The following ACP4 variants were observed in gnomAD, a reference collection of about 807,000 sequenced individuals.
ACP4 encodes testicular acid phosphatase.
ACP4 carries 49 observed loss-of-function variants against 47.3 expected under a neutral mutation model. That is an observed-to-expected ratio of 1.04 (90% CI 0.82 to 1.32). The LOEUF (loss-of-function observed/expected upper bound fraction) is 1.32, where lower values mean the gene tolerates loss of function less well. Among genes scored for constraint, ACP4 ranks in the 40% most tolerant of loss-of-function variants. ACP4 has a pLI of 0.00. For missense variants in ACP4, 594 were observed against 579.3 expected, an observed-to-expected ratio of 1.03 and a Z score of -0.26; for synonymous variants, 299 against 265.3, an observed-to-expected ratio of 1.13 and a Z score of -1.23.
chr19:50,793,204 T>G (rs2089524665), intron 6 of ACP4: 1 of 165,632 alleles, frequency 6.0e-6, no homozygotes, highest in Non-Finnish European at 1.3e-5. Flanking sequence ...TGACGATGTC[T>G]ATTATTAACT....
In ACP4 at chr19:50,795,028, G is replaced by A. The variant is rs1029489155; in HGVS notation, c.1166-15G>A. 9.3e-6 allele frequency: 15 copies of A among 1,607,216 alleles called. No individual in the cohort carries two copies. Among genetic ancestry groups the A allele is most frequent in the African/African-American group, 8.5e-5 (6 of 70,442 alleles). On this transcript the variant is annotated splice_polypyrimidine_tract_variant and intron_variant, in intron 10 of 10. Coordinates refer to ENST00000270593, the MANE Select transcript of ACP4 (RefSeq NM_033068.3). ...CCAAGTCCTGGCACTCACCCCCCGC[G>A]TGTTCTCCCTGCAGCTCCAGTGGTG...
At position 50,794,705 on chromosome 19, in the gene ACP4, G is replaced by A. The variant is rs542535831; in HGVS notation, c.987-81G>A. 60 of 1,575,940 alleles carry A rather than the reference G, an allele frequency of 3.8e-5. 1 individual carries two copies. In the South Asian group the frequency reaches 6.9e-4, roughly 18 times the overall value. ...TGGGATGATGCTGGGAGGATGACAG[G>A]TGGGAGTCAGAAGCCCTTTTCTCCA... On this transcript the variant is annotated intron_variant, in intron 9 of 10. Transcript: ENST00000270593.
rs1270453185 is a variant in ACP4 at position 50,795,064 on chromosome 19, C to G, written c.1187C>G (p.Ala396Gly). 3.1e-6 allele frequency: 5 copies of G among 1,604,014 alleles called. No homozygotes were observed. In the South Asian group the frequency reaches 5.6e-5, roughly 18 times the overall value. ...IPPAPVVPLLAGAVAVLVALS... is the reference protein window; with the variant it reads ...IPPAPVVPLLGGAVAVLVALS... ...GCAGCTCCAGTGGTGCCCCTGCTGG[C>G]CGGAGCTGTAGCTGTGCTGGTGGCA... The change falls in exon 11 of 11, where the codon GCC (alanine) becomes GGC (glycine). Residue 396 changes from alanine (A) to glycine (G), a missense_variant. By Grantham distance (60) the Ala-to-Gly change is moderately conservative. Coordinates refer to ENST00000270593, the MANE Select transcript of ACP4 (RefSeq NM_033068.3).
chr19:50,794,846 C>T lies in ACP4; in HGVS notation c.1047C>T (p.Ser349=), dbSNP rs1401633881. The change falls in exon 10 of 11, where the codon AGC becomes AGT. Residue 349 remains serine, a synonymous_variant. Coordinates refer to ENST00000270593, the MANE Select transcript of ACP4 (RefSeq NM_033068.3). ...CCGCCCACCTGCCCCTGCCTCTCAG[C>T]CTCCCCGGGTGCCCGGCCCCCTGTC... ...NDSAHLPLPL[S]LPGCPAPCPL... 1.2e-6 allele frequency: 2 copies of T among 1,613,546 alleles called. No homozygotes were observed. The highest frequency in any genetic ancestry group is 1.7e-4 in the Middle Eastern group (1 of 6,054).
Position 50,795,129 on chromosome 19 carries a change from TGCCTGCGGGCCTTGGGGG to T in ACP4, c.1256_1273del (p.Leu419_Gly424del), listed in dbSNP as rs1322992531. 2.6e-6 allele frequency: 4 copies of T among 1,559,926 alleles called. No homozygotes were observed. The Admixed American group carries it at 7.6e-5, about 30-fold the overall frequency. ...GGGCCTGCTGGCCTGGAGACCAGGG[TGCCTGCGGGCCTTGGGGG>T]GCCCCGTGTGAGCCAGAAACCAGGG... On this transcript the variant is annotated inframe_deletion, in exon 11 of 11. Transcript: ENST00000270593.
Position 50,792,097 on chromosome 19 carries a change from T to A in ACP4, c.475T>A (p.Cys159Ser). ...GCTGCTGAGGTTCCCCATGCGCAGC[T>A]GTCCCCGATACCACGAGCTGCTGCG... is the stretch of plus-strand genomic sequence containing the variant. Reference protein sequence around the residue: ...DKLLRFPMRSCPRYHELLREA... With the variant: ...DKLLRFPMRSSPRYHELLREA... Residue 159 changes from cysteine (C) to serine (S), a missense_variant, in exon 5 of 11, where the codon TGT becomes AGT. Cys to Ser is a moderately radical substitution (Grantham distance 112, BLOSUM62 -1). Coordinates refer to ENST00000270593, the MANE Select transcript of ACP4 (RefSeq NM_033068.3). 1 of 1,597,440 alleles carries A rather than the reference T, an allele frequency of 6.3e-7. No homozygotes were observed. Among genetic ancestry groups the A allele is most frequent in the East Asian group, 2.3e-5 (1 of 44,318 alleles).
In ACP4 at chr19:50,792,301, C is replaced by T; in HGVS notation, c.609C>T (p.Arg203=). The change falls in exon 6 of 11, where the codon CGC becomes CGT. Residue 203 remains arginine (R), a synonymous_variant. Coordinates refer to ENST00000270593, the MANE Select transcript of ACP4 (RefSeq NM_033068.3). ...TGLSLVGEPL[R]RAWKVLDTLM... Reference sequence around the variant, plus strand: ...TGTCGCTGGTTGGAGAGCCACTGCGCAGGGCATGGAAGGTTCTGGACACCC... The same window carrying T: ...TGTCGCTGGTTGGAGAGCCACTGCGTAGGGCATGGAAGGTTCTGGACACCC... 1 of 1,613,520 alleles carries T rather than the reference C, an allele frequency of 6.2e-7. No individual in the cohort carries two copies. The highest frequency in any genetic ancestry group is 8.5e-7 in the Non-Finnish European group (1 of 1,180,020).
rs1042983802 is a variant in ACP4, at chr19:50,794,693, G to A, written c.987-93G>A. 16 of 1,582,962 alleles carry A rather than the reference G, an allele frequency of 1.0e-5. No individual in the cohort carries two copies. The African/African-American group carries it at 2.0e-4, about 20-fold the overall frequency. ...TGGGGAGCTGCATGGGATGATGCTG[G>A]GAGGATGACAGGTGGGAGTCAGAAG... On this transcript the variant is annotated intron_variant, in intron 9 of 10. Coordinates refer to ENST00000270593, the MANE Select transcript of ACP4 (RefSeq NM_033068.3).
chr19:50,794,356 G>A (rs2089536654), intron 8 of ACP4, 101 bp from the exon 9 acceptor site: 1 of 1,498,696 alleles, frequency 6.7e-7, no homozygotes, highest in East Asian at 2.3e-5. Flanking sequence ...TTGGGGGGTT[G>A]GTTCTAAGAA....
Position 50,793,626 on chromosome 19 carries a change from C to A in ACP4, c.646-58C>A, listed in dbSNP as rs560112897. On this transcript the variant is annotated intron_variant, in intron 6 of 10. Transcript: ENST00000270593. ...AAGAGCAGGGGGCAGCACAGGCCTG[C>A]GGGGCCAGAGGCAAACTCGAGGGCT... 2.5e-6 allele frequency: 4 copies of A among 1,593,090 alleles called. No homozygotes were observed. In the African/African-American group the frequency reaches 5.4e-5, roughly 21 times the overall value.
intron 1 of ACP4, 31 bp from the exon 2 acceptor site, chr19:50,790,563 C>G: frequency 6.5e-7 from 1 of 1,541,594 alleles, no homozygotes; most frequent in Non-Finnish European, 8.8e-7. Flanking sequence ...TTAGCTCCCC[C>G]AGGGCTAGCC....
In ACP4 at chr19:50,791,951, C is replaced by G; in HGVS notation, c.451-122C>G. 3.4e-6 allele frequency: 5 copies of G among 1,451,444 alleles called. No individual in the cohort carries two copies. In the South Asian group the frequency reaches 6.9e-5, roughly 20 times the overall value. The allele number at this position is 1,451,444 out of a possible 1,614,324, so 89.9% of individuals were successfully genotyped here. On this transcript the variant is annotated intron_variant, in intron 4 of 10. Coordinates refer to ENST00000270593, the MANE Select transcript of ACP4 (RefSeq NM_033068.3). ...AGGGTGAGCCCCGGCCCACGCTGCT[C>G]TCCTGGATCTGGGAGAAACTGCGAC... is the stretch of plus-strand genomic sequence containing the variant.
At chr19:50,791,224 A>C (rs1255292572) in intron 3 of ACP4, among the ~76,000 whole-genome samples, 1 of 151,672 alleles carries the variant, frequency 6.6e-6, no homozygotes, top group Non-Finnish European at 1.5e-5. Flanking sequence ...CTAACCTTTA[A>C]CCTCTACGCT....
chr19:50,792,452 T>C (rs1271372450), intron 6 of ACP4, 115 bp downstream of exon 6: 2 of 1,081,750 alleles, frequency 1.8e-6, no homozygotes, highest in African/African-American at 1.6e-5. Flanking sequence ...GCCTCAGTTT[T>C]CCCATCTGCA....
rs370062412 is a variant in ACP4, at chr19:50,794,547, C to T, written c.952C>T (p.Arg318Trp). ...TGCTGCCTGCCTCGGCTTTGAGTTC[C>T]GGAAGCACCTGGGGAATCCCGCCAA... ...PYAACLGFEF[R>W]KHLGNPAKDG... Residue 318 changes from arginine (R) to tryptophan (W), a missense_variant, in exon 9 of 11, where the codon CGG (arginine) becomes TGG (tryptophan). By Grantham distance (101) the Arg-to-Trp change is moderately radical. Coordinates refer to ENST00000270593, the MANE Select transcript of ACP4 (RefSeq NM_033068.3). 56 of 1,613,908 alleles carry T rather than the reference C, an allele frequency of 3.5e-5. No homozygotes were observed. The highest frequency in any genetic ancestry group is 5.5e-5 in the South Asian group (5 of 91,086).
chr19:50,793,539 A>AAAT, intron 6 of ACP4, 145 bp from the exon 7 acceptor site: 68 of 1,184,376 alleles, frequency 5.7e-5, no homozygotes, highest in Middle Eastern at 6.0e-4. Flanking sequence ...CAACAAAAAA[A>AAAT]CACTGTTATC....
rs549810537 is a variant in ACP4 at position 50,793,859 on chromosome 19, G to A, written c.779-29G>A. ...GAGGCTGGGGTGCCTTCCTCTGGGA[G>A]AGTCTAAGCTCTTTTTTCCCATCCT... On this transcript the variant is annotated intron_variant, in intron 7 of 10. Coordinates refer to ENST00000270593, the MANE Select transcript of ACP4 (RefSeq NM_033068.3). 8 of 1,614,166 alleles carry A rather than the reference G, an allele frequency of 5.0e-6. No homozygotes were observed. The Admixed American group carries it at 5.0e-5, about 10-fold the overall frequency.
At chr19:50,792,518 A>G (rs1004485094) in intron 6 of ACP4, 181 bp downstream of exon 6, 3 of 627,866 alleles carry the variant, frequency 4.8e-6, no homozygotes, top group South Asian at 1.9e-5. Flanking sequence ...TGAGGATTCA[A>G]ATGGGTTAAT....
At chr19:50,794,605 G>A (rs763609499) in intron 9 of ACP4, 24 bp downstream of exon 9, 4 of 1,613,874 alleles carry the variant, frequency 2.5e-6, no homozygotes, top group East Asian at 2.2e-5. Flanking sequence ...GGTGCCCAGG[G>A]ACATGGGTGG....
Sources: gnomAD v4.1 joint callset for allele counts (sites outside exome capture counted in the v4.1 genomes callset) on GRCh38, gnomAD v4.1.1 for gene constraint, MANE v1.5 for transcripts, NCBI Gene and HGNC (gene_info 2026-07-23, HGNC 2026-07-21) for gene names.